ZNF800: variants seen among roughly 807,000 people sequenced by gnomAD.
The protein encoded by ZNF800 is zinc finger protein 800.
ZNF800 carries 13 observed loss-of-function variants against 59.5 expected under a neutral mutation model. The observed-to-expected ratio is 0.22, with a 90% CI of 0.14 to 0.35. ZNF800 has a LOEUF of 0.35. Ranked by LOEUF, ZNF800 falls within the 10% of genes least tolerant of loss-of-function variation. The pLI is 1.00. For missense variants in ZNF800, 621 were observed against 783.7 expected, an observed-to-expected ratio of 0.79 and a Z score of 2.48; for synonymous variants, 266 against 265.7, an observed-to-expected ratio of 1.00 and a Z score of -0.01.
chr7:127,347,888 G>C (rs1234103374), exon 2 of ZNF800: 5 of 150,432 alleles, frequency 3.3e-5, no homozygotes, highest in Non-Finnish European at 7.4e-5. Flanking sequence ...CAGGCCCCGG[G>C]CAGCGTGCTG....
At chr7:127,384,525 C>T (rs1468028638) in intron 3 of ZNF800, among the ~76,000 whole-genome samples, 3 of 151,852 alleles carry the variant, frequency 2.0e-5, no homozygotes, top group Non-Finnish European at 4.4e-5. Context: ...TGAGCCACCG[C>T]GCCCAGCCTA....
At chr7:127,343,447 G>A (rs945074242), downstream of ZNF800, among the ~76,000 whole-genome samples, 2 of 151,700 alleles carry the variant, frequency 1.3e-5, no homozygotes, top group Admixed American at 1.3e-4. Context: ...GAAAATGCAT[G>A]TTTTTCTTTA....
Position 127,374,613 on chromosome 7 carries a change from A to T in ZNF800, c.723T>A (p.Ser241=). Residue 241 remains serine, a synonymous_variant, in exon 5 of 6, where the codon TCT becomes TCA. Transcript: ENST00000265827. ...ICCLCRKEFN[S]RRGVRRHIRK... ...GAATGTGACGGCGAACACCTCGTCT[A>T]GAATTGAATTCTTTTCTACAAAGAC... 1.9e-6 allele frequency: 3 copies of T among 1,614,106 alleles called. No homozygotes were observed. Among genetic ancestry groups the T allele is most frequent in the Non-Finnish European group, 1.7e-6 (2 of 1,179,974 alleles).
At chr7:127,376,371 T>A (rs1800788131) in intron 4 of ZNF800, among the ~76,000 whole-genome samples, 1 of 151,752 alleles carries the variant, frequency 6.6e-6, no homozygotes, top group South Asian at 2.1e-4. Flanking sequence ...CAACAAAGAG[T>A]TAAATCCATA....
At chr7:127,383,029 A>G (rs1801018894) in intron 3 of ZNF800, among the ~76,000 whole-genome samples, 1 of 152,276 alleles carries the variant, frequency 6.6e-6, no homozygotes, top group Non-Finnish European at 1.5e-5. Flanking sequence ...ATATACCAGA[A>G]GTCAATAAGA....
chr7:127,372,951 A>G, intron 5 of ZNF800: 4 of 985,016 alleles, frequency 4.1e-6, no homozygotes, highest in Non-Finnish European at 4.8e-6. Context: ...CTTTCCTACA[A>G]TTCATTAATT....
At position 127,377,060 on chromosome 7, in the gene ZNF800, T is replaced by C; in HGVS notation, c.301+126A>G. The C allele has an allele frequency of 1.2e-6, 1 of 863,356 alleles. No individual in the cohort carries two copies. Among genetic ancestry groups the C allele is most frequent in the South Asian group, 2.3e-5 (1 of 42,938 alleles). 53.5% of individuals were successfully genotyped at this position (863,356 alleles called of 1,614,324 possible). A position where few individuals can be genotyped will look rare whatever the true frequency, so the allele number is the denominator to read the frequency against. On this transcript the variant is annotated intron_variant, in intron 4 of 5. Coordinates refer to ENST00000265827, the MANE Select transcript of ZNF800 (RefSeq NM_176814.5). This position sits in a 1 kb window ranked among gnomAD's most constrained non-coding sequence, Gnocchi z 4.7. ...TTTATTCTCCATCTCCATCTAAAAA[T>C]TATCTGTAACTAGACATCATTATCA...
At chr7:127,346,300 T>C (rs1429943268), downstream of ZNF800, among the ~76,000 whole-genome samples, 2 of 152,208 alleles carry the variant, frequency 1.3e-5, no homozygotes, top group Admixed American at 6.5e-5. Context: ...GAACTGAGAC[T>C]ACAGTAGGAA....
intron 3 of ZNF800, among the ~76,000 whole-genome samples, chr7:127,378,746 G>A (rs905024560): frequency 2.6e-5 from 4 of 151,530 alleles, no homozygotes; most frequent in Admixed American, 6.6e-5. Context: ...GAGAGAGAGA[G>A]GGAGATAATT....
At chr7:127,390,804 T>C (rs1051586892) in intron 2 of ZNF800, among the ~76,000 whole-genome samples, 1 of 152,084 alleles carries the variant, frequency 6.6e-6, no homozygotes, top group Non-Finnish European at 1.5e-5. Flanking sequence ...CAACAGTATA[T>C]CAAGTTTATC....
Position 127,377,568 on chromosome 7 carries a change from C to T in ZNF800, c.158-239G>A, listed in dbSNP as rs1800821973. 1.3e-5 allele frequency among the ~76,000 whole-genome samples: 2 copies of T among 152,038 alleles called. No individual in the cohort carries two copies. Among genetic ancestry groups the T allele is most frequent in the Admixed American group, 1.3e-4 (2 of 15,268 alleles). On this transcript the variant is annotated intron_variant, in intron 3 of 5. Coordinates refer to ENST00000265827, the MANE Select transcript of ZNF800 (RefSeq NM_176814.5). This position sits in a 1 kb window ranked among gnomAD's most constrained non-coding sequence, Gnocchi z 4.7. ...AATTGATGCTGTGTTCCCACTTCAG[C>T]AGCCAATCAATTCTTGATATATCCC...
chr7:127,387,687 C>A (rs1309395573), intron 2 of ZNF800, among the ~76,000 whole-genome samples: 3 of 151,780 alleles, frequency 2.0e-5, no homozygotes, highest in Admixed American at 6.6e-5. Flanking sequence ...ATGGCAAGAC[C>A]CCATCTCTAC....
chr7:127,354,334 G>C (rs1227579332), intron 1 of ZNF800, among the ~76,000 whole-genome samples: 5 of 151,944 alleles, frequency 3.3e-5, no homozygotes, highest in Non-Finnish European at 4.4e-5. Flanking sequence ...CAATATGCTA[G>C]AAATAAATAA....
Position 127,392,078 on chromosome 7 carries a change from C to CGGCG in ZNF800, c.-81_-78dup, listed in dbSNP as rs144396858. On this transcript the variant is annotated 5_prime_UTR_variant, in exon 1 of 6. Coordinates refer to ENST00000265827, the MANE Select transcript of ZNF800 (RefSeq NM_176814.5). ...AACTTACTCAACTCTTAGGGCGGGC[C>CGGCG]GGCGGGCGGGCGGAAGGAAGGAAGG... 2.3e-5 allele frequency: 9 copies of CGGCG among 391,148 alleles called. No homozygotes were observed. The highest frequency in any genetic ancestry group is 6.3e-4 in the Middle Eastern group (1 of 1,584). 24.2% of individuals were successfully genotyped at this position (391,148 alleles called of 1,614,324 possible).
chr7:127,379,870 C>CACACAGAGAG (rs1434431281), intron 3 of ZNF800, among the ~76,000 whole-genome samples: 6 of 83,848 alleles, frequency 7.2e-5, no homozygotes, highest in African/African-American at 3.6e-4. Context: ...CACACACACA[C>CACACAGAGAG]AGAGAGAGAG....
chr7:127,347,001 G>C (rs542291871), exon 2 of ZNF800: 2 of 152,592 alleles, frequency 1.3e-5, no homozygotes, highest in East Asian at 3.9e-4. Flanking sequence ...TCACTGACTG[G>C]GAGTAGTGCC....
downstream of ZNF800, among the ~76,000 whole-genome samples, chr7:127,346,617 T>A (rs1431546515): frequency 6.6e-6 from 1 of 152,140 alleles, no homozygotes; most frequent in Non-Finnish European, 1.5e-5. Context: ...ACGAATTAGC[T>A]GTCAGTGAGC....
intron 2 of ZNF800, among the ~76,000 whole-genome samples, chr7:127,390,769 A>G (rs1374292395): frequency 1.3e-5 from 2 of 152,194 alleles, no homozygotes; most frequent in African/African-American, 2.4e-5. Context: ...GTCACAAAGC[A>G]TATCAAAGTT....
chr7:127,392,403 C>T lies in ZNF800; in HGVS notation c.-402G>A, dbSNP rs950047741. ...CTGCCGCCGCCACCACCGAAGGAGC[C>T]GGAACCGGAGCGGGCAGGACCTGAG... On this transcript the variant is annotated 5_prime_UTR_variant, in exon 1 of 6. Coordinates refer to ENST00000265827, the MANE Select transcript of ZNF800 (RefSeq NM_176814.5). 11 of 378,878 alleles carry T rather than the reference C, an allele frequency of 2.9e-5. No homozygotes were observed. Among genetic ancestry groups the T allele is most frequent in the Non-Finnish European group, 4.7e-5 (10 of 213,760 alleles). 23.5% of individuals were successfully genotyped at this position (378,878 alleles called of 1,614,324 possible).
Sources: allele counts gnomAD v4.1 joint callset (sites outside exome capture counted in the v4.1 genomes callset), GRCh38; gene constraint gnomAD v4.1.1; non-coding constraint Gnocchi (gnomAD v3.1); transcripts MANE v1.5; gene names NCBI Gene and HGNC (gene_info 2026-07-23, HGNC 2026-07-21).